Variants in GNAQ observed in about 807,000 individuals in gnomAD.
GNAQ encodes G protein subunit alpha q.
In GNAQ, 8 loss-of-function variants were observed where a neutral mutation model predicts 43.9. The ratio of observed to expected loss-of-function variants is 0.18; its 90% CI spans 0.11 to 0.33. The LOEUF is 0.33. GNAQ is among the 10% of genes least tolerant of loss of function. The pLI is 1.00. For synonymous variants in GNAQ, 155 were observed against 170.7 expected (o/e 0.91, Z 0.71); for missense variants, 158 against 450.8 (o/e 0.35, Z 5.88).
chr9:77,977,335 G>A (rs1823314922), intron 1 of GNAQ, among the ~76,000 whole-genome samples: 2 of 151,948 alleles, frequency 1.3e-5, no homozygotes, highest in Non-Finnish European at 2.9e-5. Flanking sequence ...GCAAAATCAA[G>A]TCCTCATTCT....
chr9:77,791,210 T>A (rs1398244395), intron 5 of GNAQ, among the ~76,000 whole-genome samples: 1 of 152,208 alleles, frequency 6.6e-6, no homozygotes, highest in Non-Finnish European at 1.5e-5. Flanking sequence ...GAGCTTAGCC[T>A]GGAAGACAGT....
At chr9:77,765,256 A>G (rs10869967) in intron 5 of GNAQ, among the ~76,000 whole-genome samples, 85,507 of 152,098 alleles carry the variant, frequency 0.56, 27,190 homozygotes, top group Non-Finnish European at 0.72. Context: ...ATGAGAATCT[A>G]TCTTCTTATT....
intron 2 of GNAQ, among the ~76,000 whole-genome samples, chr9:77,896,466 C>T (rs533840001): frequency 1.3e-5 from 2 of 152,180 alleles, no homozygotes; most frequent in Non-Finnish European, 2.9e-5. Flanking sequence ...TGTCCTAAAG[C>T]TGTCACTCAT....
chr9:77,735,137 T>C (rs76615323), intron 5 of GNAQ, among the ~76,000 whole-genome samples: 2,778 of 152,300 alleles, frequency 0.018, 45 homozygotes, highest in Non-Finnish European at 0.028. Flanking sequence ...CCAGAATTCA[T>C]ACAAGACCGT....
At chr9:78,023,115 T>C (rs79036378) in intron 1 of GNAQ, among the ~76,000 whole-genome samples, 1 of 152,160 alleles carries the variant, frequency 6.6e-6, no homozygotes, top group Admixed American at 6.5e-5. Flanking sequence ...GCTCACTAAC[T>C]CTCTGCTGGT....
intron 1 of GNAQ, among the ~76,000 whole-genome samples, chr9:78,006,622 A>G (rs1261782186): frequency 6.6e-6 from 1 of 152,208 alleles, no homozygotes; most frequent in Non-Finnish European, 1.5e-5. Flanking sequence ...ATGCTTTCAG[A>G]AACAATGCTT....
chr9:77,821,465 T>A (rs1381304693), intron 2 of GNAQ, among the ~76,000 whole-genome samples: 3 of 152,186 alleles, frequency 2.0e-5, no homozygotes, highest in Non-Finnish European at 4.4e-5. Flanking sequence ...GGTTCTTTGC[T>A]TAACATTTTC....
chr9:77,839,019 C>T (rs893671651), intron 2 of GNAQ, among the ~76,000 whole-genome samples: 4 of 152,054 alleles, frequency 2.6e-5, no homozygotes, highest in Non-Finnish European at 4.4e-5. Flanking sequence ...CCCTCTTCAC[C>T]ATCTTCTTCT....
chr9:77,892,178 C>T (rs567516735), intron 2 of GNAQ, among the ~76,000 whole-genome samples: 1 of 152,300 alleles, frequency 6.6e-6, no homozygotes, highest in East Asian at 1.9e-4. Flanking sequence ...TTTGAGTCCA[C>T]TGAGCTCTTC....
intron 3 of GNAQ, among the ~76,000 whole-genome samples, chr9:77,802,718 G>A (rs1479979943): frequency 6.6e-6 from 1 of 152,126 alleles, no homozygotes; most frequent in African/African-American, 2.4e-5. Context: ...CAATGTATGT[G>A]TAACAAGTAT....
chr9:77,743,747 A>G (rs1825690251), intron 5 of GNAQ, among the ~76,000 whole-genome samples: 1 of 152,146 alleles, frequency 6.6e-6, no homozygotes, highest in African/African-American at 2.4e-5. Flanking sequence ...GTTTTATTCA[A>G]CTACAAAAAC....
chr9:77,999,275 A>G (rs1249594111), intron 1 of GNAQ, among the ~76,000 whole-genome samples: 2 of 152,112 alleles, frequency 1.3e-5, no homozygotes, highest in African/African-American at 4.8e-5. Context: ...TCATCTAACA[A>G]AAGAATTTAC....
At chr9:77,830,939 G>A (rs945160743) in intron 2 of GNAQ, among the ~76,000 whole-genome samples, 4 of 152,224 alleles carry the variant, frequency 2.6e-5, no homozygotes, top group Admixed American at 2.6e-4. Context: ...TAACCCATTT[G>A]TTAAACATGA....
chr9:77,921,616 T>C (rs1333340817), intron 2 of GNAQ, among the ~76,000 whole-genome samples: 1 of 152,234 alleles, frequency 6.6e-6, no homozygotes, highest in Non-Finnish European at 1.5e-5. Context: ...TTCTGTTACT[T>C]TAACACAGTT....
intron 2 of GNAQ, among the ~76,000 whole-genome samples, chr9:77,910,999 C>T (rs1473052799): frequency 6.6e-6 from 1 of 152,182 alleles, no homozygotes; most frequent in African/African-American, 2.4e-5. Flanking sequence ...ATTCATTCAA[C>T]AGAGTAGAAC....
At chr9:77,828,059 CAAAAAA>C (rs71360654) in intron 2 of GNAQ, among the ~76,000 whole-genome samples, 30 of 19,228 alleles carry the variant, frequency 1.6e-3, no homozygotes, top group South Asian at 5.3e-3. Flanking sequence ...GACTCCTCCT[CAAAAAA>C]AAAAAAAAAA....
intron 2 of GNAQ, among the ~76,000 whole-genome samples, chr9:77,836,634 C>T (rs896724982): frequency 3.0e-4 from 45 of 151,972 alleles, no homozygotes; most frequent in African/African-American, 9.9e-4. Context: ...AAGGCATCAA[C>T]CATTCTTAAA....
At chr9:77,860,645 A>C (rs1262624576) in intron 2 of GNAQ, among the ~76,000 whole-genome samples, 1 of 152,234 alleles carries the variant, frequency 6.6e-6, no homozygotes, top group Non-Finnish European at 1.5e-5. Context: ...GGCGAAGCTC[A>C]GGCAGTAATA....
chr9:77,968,330 C>A (rs1823194871), intron 1 of GNAQ, among the ~76,000 whole-genome samples: 1 of 152,056 alleles, frequency 6.6e-6, no homozygotes, highest in African/African-American at 2.4e-5. Flanking sequence ...TCCCTACAGG[C>A]TAAATGAATC....
Sources: allele counts gnomAD v4.1 joint callset (sites outside exome capture counted in the v4.1 genomes callset), GRCh38; gene constraint gnomAD v4.1.1; transcripts MANE v1.5; gene names NCBI Gene and HGNC (gene_info 2026-07-23, HGNC 2026-07-21).